Variants in CFAP74 observed in about 807,000 individuals in gnomAD.
CFAP74 encodes cilia and flagella associated protein 74, also known as cilia- and flagella-associated protein 74.
In CFAP74, 124 loss-of-function variants were observed where a neutral mutation model predicts 188.9. That is an observed-to-expected ratio of 0.66 (90% CI 0.57 to 0.76). The LOEUF (loss-of-function observed/expected upper bound fraction) is 0.76, where lower values mean the gene tolerates loss of function less well. Among genes scored for constraint, CFAP74 ranks in the 30% least tolerant of loss-of-function variants. The probability of loss-of-function intolerance (pLI) is 0.00; values close to 1 mark genes in which losing one functional copy is unlikely to be tolerated. For missense variants in CFAP74, 2,198 were observed against 2,165.2 expected, an observed-to-expected ratio of 1.02 and a Z score of -0.30; for synonymous variants, 956 against 916.7, an observed-to-expected ratio of 1.04 and a Z score of -0.77.
In CFAP74 at chr1:1,944,244, A is replaced by AG. The variant is rs1022941650; in HGVS notation, c.2486+86dup. On this transcript the variant is annotated intron_variant, in intron 21 of 38. Coordinates refer to ENST00000682832, the MANE Select transcript of CFAP74 (RefSeq NM_001304360.2). Reference sequence around the variant, plus strand: ...GGGTCACCCCGTGTGCGTGGACAGGAGGGGGCTCACCGCGTGTGCACAGGC... The same window carrying AG: ...GGGTCACCCCGTGTGCGTGGACAGGAGGGGGGCTCACCGCGTGTGCACAGGC... The AG allele has an allele frequency of 1.0e-5, 15 of 1,474,798 alleles. No homozygotes were observed. The Admixed American group carries it at 1.7e-4, about 16-fold the overall frequency. 91.4% of individuals were successfully genotyped at this position (1,474,798 alleles called of 1,614,324 possible).
chr1:1,966,564 A>G (rs745366845), intron 11 of CFAP74, 38 bp from the exon 12 acceptor site: 20 of 1,468,728 alleles, frequency 1.4e-5, no homozygotes, highest in Middle Eastern at 5.0e-4. Context: ...AGACACGCTC[A>G]TGACAGAGAA....
chr1:1,987,018 C>T lies in CFAP74; in HGVS notation c.314G>A (p.Cys105Tyr), dbSNP rs760287764. ...GTCGATCAGGTCCCGCCTCTGCCGA[C>T]AGGCGCGCAGCTCCCCTCTGGAACA... is the stretch of plus-strand genomic sequence containing the variant. ...TEKMRGELRA[C>Y]RQRRDLIDKQ... The change falls in exon 5 of 39, where the codon TGT (cysteine) becomes TAT (tyrosine). Residue 105 changes from cysteine (C) to tyrosine (Y), a missense_variant. Physicochemically the swap from Cys to Tyr is radical, Grantham distance 194. Transcript: ENST00000682832. The T allele has an allele frequency of 1.3e-6, 2 of 1,599,298 alleles. No homozygotes were observed. Among genetic ancestry groups the T allele is most frequent in the South Asian group, 2.2e-5 (2 of 90,888 alleles).
At chr1:1,969,229 TGCCCAACCCAGCCCTGCCCA>T (rs1413712842) in intron 10 of CFAP74, among the ~76,000 whole-genome samples, 10 of 30,318 alleles carry the variant, frequency 3.3e-4, no homozygotes, top group Non-Finnish European at 4.1e-4. Context: ...AGCCCTGCCC[TGCCCAACCCAGCCCTGCCCA>T]GCCCTGCCCA....
At chr1:1,995,352 C>A (rs28551502) in intron 1 of CFAP74, among the ~76,000 whole-genome samples, 5 of 151,408 alleles carry the variant, frequency 3.3e-5, no homozygotes, top group African/African-American at 1.2e-4. Context: ...ATTAGCCGGG[C>A]GTGATGGCGC....
At chr1:1,989,296 GC>G (rs1657436580) in intron 2 of CFAP74, among the ~76,000 whole-genome samples, 1 of 152,254 alleles carries the variant, frequency 6.6e-6, no homozygotes, top group Non-Finnish European at 1.5e-5. Flanking sequence ...CGGCCACGCA[GC>G]TGTGTGTGTG....
Position 1,928,857 on chromosome 1 carries a change from CG to C in CFAP74, c.3313del (p.Arg1105GlyfsTer8), listed in dbSNP as rs1652128688. 6.5e-7 allele frequency: 1 copy of C among 1,535,522 alleles called. No homozygotes were observed. Among genetic ancestry groups the C allele is most frequent in the African/African-American group, 1.4e-5 (1 of 73,026 alleles). ...GATCAGCTTCTCGGGCAGCACTGGC[CG>C]GAAGGCCACCTGGACCAGGCACCTC... ...GKRCLVQVAF[R>X]PVLPEKLIRQ... On this transcript the variant is annotated frameshift_variant, in exon 27 of 39. Transcript: ENST00000682832. LOFTEE classifies it high-confidence loss of function.
chr1:1,989,229 G>A lies in CFAP74; in HGVS notation c.68-256C>T, dbSNP rs1657433636. ...CAGCGGGGAGCAAGGGCACAGCACC[G>A]CTTGGCTGGTGTCCAGAGAAAGAGT... On this transcript the variant is annotated intron_variant, in intron 2 of 38. Coordinates refer to ENST00000682832, the MANE Select transcript of CFAP74 (RefSeq NM_001304360.2). Among the ~76,000 whole-genome samples, 4 of 152,254 alleles carry A rather than the reference G, an allele frequency of 2.6e-5. No homozygotes were observed. The South Asian group carries it at 6.2e-4, about 24-fold the overall frequency.
intron 1 of CFAP74, among the ~76,000 whole-genome samples, chr1:2,000,405 C>T (rs1658150426): frequency 6.6e-6 from 1 of 152,162 alleles, no homozygotes; most frequent in Non-Finnish European, 1.5e-5. Flanking sequence ...GATCATCCTG[C>T]CTATGGCACC....
chr1:1,972,595 C>T (rs866204654), intron 8 of CFAP74, among the ~76,000 whole-genome samples: 122 of 152,314 alleles, frequency 8.0e-4, no homozygotes, highest in African/African-American at 2.6e-3. Flanking sequence ...CCTGTAATCC[C>T]GGCACTTTGG....
Position 1,968,673 on chromosome 1 carries a change from A to C in CFAP74, c.1207T>G (p.Cys403Gly), listed in dbSNP as rs1027482860. Residue 403 changes from cysteine (C) to glycine (G), a missense_variant, in exon 11 of 39, where the codon TGC (cysteine) becomes GGC (glycine). By Grantham distance (159) the Cys-to-Gly change is radical (BLOSUM62 -3). Coordinates refer to ENST00000682832, the MANE Select transcript of CFAP74 (RefSeq NM_001304360.2). This position sits in a 1 kb window ranked among gnomAD's most constrained non-coding sequence, Gnocchi z 4.3. ...TTGGTTGGGACTGTGGTCTTCTTGC[A>C]AAAGTCAGAAATGTAGTTCCAGGTC... ...DKTWNYISDFCKKTTVPTNTY... is the reference protein window; with the variant it reads ...DKTWNYISDFGKKTTVPTNTY... 6 of 1,603,702 alleles carry C rather than the reference A, an allele frequency of 3.7e-6. No individual in the cohort carries two copies. The highest frequency in any genetic ancestry group is 5.1e-6 in the Non-Finnish European group (6 of 1,172,002).
chr1:1,922,450 T>C, intron 38 of CFAP74, 62 bp from the exon 39 acceptor site: 1 of 1,554,750 alleles, frequency 6.4e-7, no homozygotes, highest in Non-Finnish European at 8.8e-7. Flanking sequence ...GGAGATCTGC[T>C]GTCTTCCCAC....
At chr1:1,962,373 G>A (rs1002672211) in intron 14 of CFAP74, among the ~76,000 whole-genome samples, 3 of 151,794 alleles carry the variant, frequency 2.0e-5, no homozygotes, top group Admixed American at 2.0e-4. Flanking sequence ...CTACTCAGGA[G>A]GCTGAGGCAG....
At chr1:1,984,294 C>A (rs868596620) in intron 6 of CFAP74, 117 of 148,006 alleles carry the variant, frequency 7.9e-4, no homozygotes, top group African/African-American at 2.6e-3. Context: ...GGGCCCAGCC[C>A]AAAAACTTTT....
chr1:1,923,565 C>A lies in CFAP74; in HGVS notation c.4390-66G>T. On this transcript the variant is annotated intron_variant, in intron 35 of 38. Coordinates refer to ENST00000682832, the MANE Select transcript of CFAP74 (RefSeq NM_001304360.2). The surrounding 1 kb of genome is among the most constrained non-coding windows in gnomAD (Gnocchi z 6.3). ...GCGGCAGGGGTCCTGCTGGTGAGAG[C>A]TGGGCTGGCTCAGGGAAGGAAGCAG... The A allele has an allele frequency of 6.3e-7, 1 of 1,577,664 alleles. No homozygotes were observed. Among genetic ancestry groups the A allele is most frequent in the South Asian group, 1.2e-5 (1 of 86,020 alleles).
intron 24 of CFAP74, among the ~76,000 whole-genome samples, 172 bp downstream of exon 24, chr1:1,939,422 C>T (rs1335280106): frequency 1.3e-5 from 2 of 152,122 alleles, no homozygotes; most frequent in Non-Finnish European, 2.9e-5. Context: ...GGCTGCACGC[C>T]CAGGGCTGGT....
rs540440236 is a variant in CFAP74 at position 1,957,489 on chromosome 1, T to C, written c.1852-705A>G. On this transcript the variant is annotated intron_variant, in intron 16 of 38. Coordinates refer to ENST00000682832, the MANE Select transcript of CFAP74 (RefSeq NM_001304360.2). Reference sequence around the variant, plus strand: ...GGGTCCTGTTCTCCCCTTGTTCAGATGGGGTTTTACTGTTTTTACAGTCCC... The same window carrying C: ...GGGTCCTGTTCTCCCCTTGTTCAGACGGGGTTTTACTGTTTTTACAGTCCC... Among the ~76,000 whole-genome samples, 3 of 152,270 alleles carry C rather than the reference T, an allele frequency of 2.0e-5. No individual in the cohort carries two copies. The South Asian group carries it at 6.2e-4, about 32-fold the overall frequency.
intron 21 of CFAP74, 124 bp downstream of exon 21, chr1:1,944,207 C>T: frequency 6.9e-7 from 1 of 1,450,470 alleles, no homozygotes. Flanking sequence ...CAGCGGCTCA[C>T]CCCGTGTGCG....
chr1:1,993,213 AAAAAAG>A (rs1408789729), intron 1 of CFAP74, among the ~76,000 whole-genome samples: 1 of 151,866 alleles, frequency 6.6e-6, no homozygotes, highest in East Asian at 1.9e-4. Context: ...AAAAAAAAAA[AAAAAAG>A]AAACAATGTT....
rs199542220 is a variant in CFAP74 at position 1,968,005 on chromosome 1, C to T, written c.1245+630G>A. Among the ~76,000 whole-genome samples, 40 of 140,522 alleles carry T rather than the reference C, an allele frequency of 2.8e-4. No homozygotes were observed. Among genetic ancestry groups the T allele is most frequent in the African/African-American group, 7.0e-4 (27 of 38,690 alleles). 92.2% of individuals were successfully genotyped at this position (140,522 alleles called of 152,430 possible). On this transcript the variant is annotated intron_variant, in intron 11 of 38. Transcript: ENST00000682832. This position sits in a 1 kb window ranked among gnomAD's most constrained non-coding sequence, Gnocchi z 4.3. ...AAGAATGAATGAGTGAATGAGTGAG[C>T]GAATGAGTGAATGAATGAGTGAATG...
Sources: gnomAD v4.1 joint callset for allele counts (sites outside exome capture counted in the v4.1 genomes callset) on GRCh38, gnomAD v4.1.1 for gene constraint, Gnocchi (gnomAD v3.1) non-coding constraint, MANE v1.5 for transcripts, NCBI Gene and HGNC (gene_info 2026-07-23, HGNC 2026-07-21) for gene names.